Variants in UCHL5 observed in about 807,000 individuals in gnomAD.
UCHL5 encodes the protein ubiquitin C-terminal hydrolase L5, also known as ubiquitin carboxyl-terminal hydrolase isozyme L5.
A neutral mutation model predicts 53.8 loss-of-function variants in UCHL5; 34 were observed. That is an observed-to-expected ratio of 0.63 (90% CI 0.48 to 0.84). UCHL5 has a LOEUF of 0.84. Ranked by LOEUF, UCHL5 falls within the 40% of genes least tolerant of loss-of-function variation. UCHL5 has a pLI of 0.00. For synonymous variants in UCHL5, 111 were observed against 126.3 expected (o/e 0.88, Z 0.81); for missense variants, 290 against 385.6 (o/e 0.75, Z 2.08).
At chr1:193,059,687 G>A (rs1325465332), upstream of UCHL5, 1 of 1,361,692 alleles carries the variant, frequency 7.3e-7, no homozygotes, top group East Asian at 4.6e-5. The surrounding 1 kb of genome is among the most constrained non-coding windows in gnomAD (Gnocchi z 4.9). Context: ...GTCGCTGCCC[G>A]TCAGGCTGCC....
chr1:193,041,799 T>C (rs1005884668), intron 3 of UCHL5, among the ~76,000 whole-genome samples: 1 of 152,052 alleles, frequency 6.6e-6, no homozygotes, highest in African/African-American at 2.4e-5. Flanking sequence ...ATAATAAACT[T>C]ATGGATGAAT....
At position 193,013,867 on chromosome 1, in the gene UCHL5, G is replaced by A. The variant is rs1391093700; in HGVS notation, c.*2484C>T. The A allele has an allele frequency of 6.6e-6, 1 of 152,122 alleles. No individual in the cohort carries two copies. Among genetic ancestry groups the A allele is most frequent in the Admixed American group, 6.6e-5 (1 of 15,258 alleles). 9.4% of individuals were successfully genotyped at this position (152,122 alleles called of 1,614,324 possible). A position where few individuals can be genotyped will look rare whatever the true frequency, so the allele number is the denominator to read the frequency against. On this transcript the variant is annotated 3_prime_UTR_variant, in exon 11 of 11. Transcript: ENST00000367454. ...ATTTGTCTGTTTTAGTGGCACAGTC[G>A]AGCTGACTGCTGTTCGGAAAAGGGC...
At chr1:193,057,943 A>G (rs1219076022) in intron 1 of UCHL5, among the ~76,000 whole-genome samples, 1 of 152,198 alleles carries the variant, frequency 6.6e-6, no homozygotes, top group African/African-American at 2.4e-5. Context: ...AAATTTCCCA[A>G]TCCTTGGGTG....
At chr1:193,040,891 G>A (rs929767062) in intron 3 of UCHL5, among the ~76,000 whole-genome samples, 1 of 152,156 alleles carries the variant, frequency 6.6e-6, no homozygotes, top group Non-Finnish European at 1.5e-5. Flanking sequence ...GCCAAGCACA[G>A]AAAGACAAAT....
At chr1:193,025,814 T>C (rs1048799076) in intron 7 of UCHL5, among the ~76,000 whole-genome samples, 14 of 152,122 alleles carry the variant, frequency 9.2e-5, no homozygotes, top group African/African-American at 3.4e-4. Context: ...AAAATTTATA[T>C]GGGAAGGCAG....
At chr1:193,036,678 T>A (rs1571705120) in intron 3 of UCHL5, among the ~76,000 whole-genome samples, 1 of 152,030 alleles carries the variant, frequency 6.6e-6, no homozygotes, top group Non-Finnish European at 1.5e-5. Context: ...AAATACACAT[T>A]ATTTTCACTA....
chr1:193,051,348 C>T (rs1292296002), intron 2 of UCHL5, among the ~76,000 whole-genome samples: 1 of 152,000 alleles, frequency 6.6e-6, no homozygotes, highest in Non-Finnish European at 1.5e-5. Flanking sequence ...AGTGTGTAGG[C>T]AAGTTCTGGA....
At chr1:193,045,742 T>C (rs1667132425) in intron 3 of UCHL5, among the ~76,000 whole-genome samples, 1 of 152,232 alleles carries the variant, frequency 6.6e-6, no homozygotes, top group South Asian at 2.1e-4. Context: ...ATAAATTGTT[T>C]TCAGTGGTTA....
intron 3 of UCHL5, among the ~76,000 whole-genome samples, chr1:193,033,589 T>A (rs948047024): frequency 6.6e-6 from 1 of 152,028 alleles, no homozygotes; most frequent in East Asian, 1.9e-4. Flanking sequence ...GCAATATAAA[T>A]ACATACAATT....
chr1:193,056,095 T>C (rs942560422), intron 1 of UCHL5, among the ~76,000 whole-genome samples: 11 of 152,234 alleles, frequency 7.2e-5, no homozygotes, highest in African/African-American at 2.7e-4. Flanking sequence ...TATCTATTTC[T>C]TAAGTGAACT....
At chr1:193,031,449 T>C (rs868143810) in intron 3 of UCHL5, among the ~76,000 whole-genome samples, 1 of 152,280 alleles carries the variant, frequency 6.6e-6, no homozygotes, top group Middle Eastern at 3.4e-3. Flanking sequence ...ATTCTTGTGG[T>C]TACTTTCTTT....
intron 1 of UCHL5, among the ~76,000 whole-genome samples, chr1:193,053,073 T>TA (rs1373027096): frequency 2.6e-5 from 4 of 152,210 alleles, no homozygotes; most frequent in African/African-American, 9.6e-5. Flanking sequence ...ATTCTGGTAT[T>TA]AAAGATACAT....
rs560826087 is a variant in UCHL5 at position 193,013,834 on chromosome 1, G to A, written c.*2517C>T. 3 of 152,106 alleles carry A rather than the reference G, an allele frequency of 2.0e-5. No individual in the cohort carries two copies. Among genetic ancestry groups the A allele is most frequent in the South Asian group, 4.1e-4 (2 of 4,830 alleles). The allele number at this position is 152,106 out of a possible 1,614,324, so 9.4% of individuals were successfully genotyped here. ...GCAAGTCCCCGTGGTTGTGATTCCCGAGCAAATATTTGTCTGTTTTAGTGG... is the reference window on the plus strand; with the variant it reads ...GCAAGTCCCCGTGGTTGTGATTCCCAAGCAAATATTTGTCTGTTTTAGTGG... On this transcript the variant is annotated 3_prime_UTR_variant, in exon 11 of 11. Coordinates refer to ENST00000367454, the MANE Select transcript of UCHL5 (RefSeq NM_001199261.3).
upstream of UCHL5, chr1:193,059,421 C>G (rs369154096): frequency 1.7e-5 from 27 of 1,610,650 alleles, 1 homozygote; most frequent in African/African-American, 3.2e-4. The surrounding 1 kb of genome is among the most constrained non-coding windows in gnomAD (Gnocchi z 4.9). Context: ...ACCTGCAGCG[C>G]GACTGAGCGC....
intron 3 of UCHL5, among the ~76,000 whole-genome samples, chr1:193,045,807 A>G (rs532994351): frequency 6.6e-5 from 10 of 152,336 alleles, no homozygotes; most frequent in African/African-American, 2.4e-4. Context: ...CCACTTTATA[A>G]TGTTTAAATT....
intron 1 of UCHL5, among the ~76,000 whole-genome samples, chr1:193,057,679 A>C (rs1450284456): frequency 1.3e-5 from 2 of 152,222 alleles, no homozygotes; most frequent in Non-Finnish European, 2.9e-5. Context: ...ATCTGTCCTC[A>C]GTTTATCTTT....
At chr1:193,018,520 G>A (rs1655662678) in intron 10 of UCHL5, 2 of 1,113,408 alleles carry the variant, frequency 1.8e-6, no homozygotes, top group Admixed American at 4.9e-5. Flanking sequence ...TTTAAATGTG[G>A]TGTGTATTCA....
At chr1:193,036,300 T>C (rs1434778184) in intron 3 of UCHL5, among the ~76,000 whole-genome samples, 3 of 134,246 alleles carry the variant, frequency 2.2e-5, no homozygotes, top group African/African-American at 5.6e-5. Flanking sequence ...AAGAAGATAT[T>C]CTGTGCAACT....
intron 7 of UCHL5, 27 bp downstream of exon 7, chr1:193,028,058 T>G (rs536232550): frequency 1.3e-6 from 2 of 1,599,280 alleles, no homozygotes; most frequent in Non-Finnish European, 1.7e-6. Context: ...CAGAATATTA[T>G]GCCAATGAGA....
Sources: gnomAD v4.1 joint callset for allele counts (sites outside exome capture counted in the v4.1 genomes callset) on GRCh38, gnomAD v4.1.1 for gene constraint, Gnocchi (gnomAD v3.1) non-coding constraint, MANE v1.5 for transcripts, NCBI Gene and HGNC (gene_info 2026-07-23, HGNC 2026-07-21) for gene names.